PTGFRN: variants seen among roughly 807,000 people sequenced by gnomAD.
PTGFRN encodes prostaglandin F2 receptor negative regulator.
In PTGFRN, 35 loss-of-function variants were observed where a neutral mutation model predicts 83.2. The ratio of observed to expected loss-of-function variants is 0.42; its 90% CI spans 0.32 to 0.56. The LOEUF is 0.56. PTGFRN is among the 20% of genes least tolerant of loss of function. The pLI, the probability that PTGFRN is intolerant of heterozygous loss-of-function variation, is 0.11. For missense variants in PTGFRN, 1,051 were observed against 1,179.5 expected (o/e 0.89, Z 1.60); for synonymous variants, 519 against 498.6 (o/e 1.04, Z -0.55).
chr1:116,942,992 T>G (rs1460624068), intron 2 of PTGFRN, among the ~76,000 whole-genome samples: 1 of 152,224 alleles, frequency 6.6e-6, no homozygotes, highest in African/African-American at 2.4e-5. Flanking sequence ...AATAGAAACA[T>G]TATAATTGTT....
intron 2 of PTGFRN, among the ~76,000 whole-genome samples, chr1:116,943,649 C>A (rs970443634): frequency 1.3e-5 from 2 of 152,152 alleles, no homozygotes; most frequent in African/African-American, 4.8e-5. Flanking sequence ...GATGAGCTGG[C>A]CTTGAGAACT....
chr1:116,914,259 G>A (rs1649344138), intron 1 of PTGFRN, among the ~76,000 whole-genome samples: 1 of 152,164 alleles, frequency 6.6e-6, no homozygotes, highest in Non-Finnish European at 1.5e-5. Flanking sequence ...TAGAATATTT[G>A]GAGTCTTTGT....
chr1:116,916,257 G>A (rs1430345889), intron 1 of PTGFRN, among the ~76,000 whole-genome samples: 1 of 152,306 alleles, frequency 6.6e-6, no homozygotes, highest in East Asian at 1.9e-4. Context: ...TATTTCATAG[G>A]AGTGGAGAAG....
At chr1:116,938,839 TG>T (rs1649984915) in intron 1 of PTGFRN, among the ~76,000 whole-genome samples, 2 of 152,190 alleles carry the variant, frequency 1.3e-5, no homozygotes. Flanking sequence ...AGATACAATG[TG>T]GGTACAGGCA....
At chr1:116,980,741 A>G (rs954252182) in intron 7 of PTGFRN, among the ~76,000 whole-genome samples, 1 of 151,716 alleles carries the variant, frequency 6.6e-6, no homozygotes, top group South Asian at 2.1e-4. Context: ...GCATTAGGAG[A>G]TATACCTAAT....
chr1:116,928,029 T>C (rs945649597), intron 1 of PTGFRN, among the ~76,000 whole-genome samples: 2 of 152,166 alleles, frequency 1.3e-5, no homozygotes, highest in African/African-American at 4.8e-5. Context: ...CATGTAAATG[T>C]CAATTAGAAA....
Position 116,952,360 on chromosome 1 carries a change from C to G in PTGFRN, c.1213+2788C>G, listed in dbSNP as rs1184577268. Among the ~76,000 whole-genome samples, 1 of 151,954 alleles carries G rather than the reference C, an allele frequency of 6.6e-6. No individual in the cohort carries two copies. The highest frequency in any genetic ancestry group is 1.5e-5 in the Non-Finnish European group (1 of 67,982). ...AAGACGGGGCAATGACATGAATGGGCCTGGCAAGTCCAGAGCACTTGCAGC... is the reference window on the plus strand; with the variant it reads ...AAGACGGGGCAATGACATGAATGGGGCTGGCAAGTCCAGAGCACTTGCAGC... On this transcript the variant is annotated intron_variant, in intron 4 of 8. Transcript: ENST00000393203. The surrounding 1 kb of genome is among the most constrained non-coding windows in gnomAD (Gnocchi z 4.0).
chr1:116,989,132 C>A lies in PTGFRN; in HGVS notation c.*2165C>A, dbSNP rs746965743. ...AAGGGTGCTTAGCTTTGGACCTGAC[C>A]GGGTGTGTGTAAAACCATGGACTGA... On this transcript the variant is annotated 3_prime_UTR_variant, in exon 9 of 9. Coordinates refer to ENST00000393203, the MANE Select transcript of PTGFRN (RefSeq NM_020440.4). The A allele has an allele frequency of 6.6e-6, 1 of 152,198 alleles. No homozygotes were observed. The highest frequency in any genetic ancestry group is 2.4e-5 in the African/African-American group (1 of 41,440). 9.4% of individuals were successfully genotyped at this position (152,198 alleles called of 1,614,324 possible). A position where few individuals can be genotyped will look rare whatever the true frequency, so the allele number is the denominator to read the frequency against.
rs1043022383 is a variant in PTGFRN at position 116,910,198 on chromosome 1, GC to G, written c.-5del. The G allele has an allele frequency of 4.0e-6, 6 of 1,484,742 alleles. No individual in the cohort carries two copies. The African/African-American group carries it at 8.7e-5, about 22-fold the overall frequency. 92.0% of individuals were successfully genotyped at this position (1,484,742 alleles called of 1,614,324 possible). A position where few individuals can be genotyped will look rare whatever the true frequency, so the allele number is the denominator to read the frequency against. Reference sequence around the variant, plus strand: ...GGAGGGGGAGAGTCGCTCCCGCCGGGCGAGCATGGGGCGCCTGGCCTCGAGG... The same window carrying G: ...GGAGGGGGAGAGTCGCTCCCGCCGGGGAGCATGGGGCGCCTGGCCTCGAGG... On this transcript the variant is annotated 5_prime_UTR_variant, in exon 1 of 9. Coordinates refer to ENST00000393203, the MANE Select transcript of PTGFRN (RefSeq NM_020440.4).
chr1:116,975,619 G>A (rs186100695), intron 7 of PTGFRN, among the ~76,000 whole-genome samples: 142 of 152,320 alleles, frequency 9.3e-4, no homozygotes, highest in Middle Eastern at 6.8e-3. Context: ...ACAGGGTCTG[G>A]AGTGGACCTC....
In PTGFRN at chr1:116,910,138, AGAGGAGGAGGAGGAGAGGCGGCGGGGAAG is replaced by A. The variant is rs981708516; in HGVS notation, c.-55_-27del. ...CGACTCTGGAGCAGCCGGAGCTGGAAGAGGAGGAGGAGGAGAGGCGGCGGGGAAGGAGGAGGAGGGGGAGAGTCGCTCCC... is the reference window on the plus strand; with the variant it reads ...CGACTCTGGAGCAGCCGGAGCTGGAAGAGGAGGAGGGGGAGAGTCGCTCCC... On this transcript the variant is annotated 5_prime_UTR_variant, in exon 1 of 9. Coordinates refer to ENST00000393203, the MANE Select transcript of PTGFRN (RefSeq NM_020440.4). 1.0e-5 allele frequency: 15 copies of A among 1,471,576 alleles called. No homozygotes were observed. The highest frequency in any genetic ancestry group is 1.4e-5 in the Non-Finnish European group (15 of 1,096,998). 91.2% of individuals were successfully genotyped at this position (1,471,576 alleles called of 1,614,324 possible).
rs1326982508 is a variant in PTGFRN at position 116,961,020 on chromosome 1, G to A, written c.1214-223G>A. Among the ~76,000 whole-genome samples, 1 of 152,098 alleles carries A rather than the reference G, an allele frequency of 6.6e-6. No homozygotes were observed. The highest frequency in any genetic ancestry group is 6.5e-5 in the Admixed American group (1 of 15,280). On this transcript the variant is annotated intron_variant, in intron 4 of 8. Coordinates refer to ENST00000393203, the MANE Select transcript of PTGFRN (RefSeq NM_020440.4). The surrounding 1 kb of genome is among the most constrained non-coding windows in gnomAD (Gnocchi z 5.4). ...GACATTGGGCTTCTGTTCTTGGGAG[G>A]TTTTCTTGGGGTGGGAGGTATGAGA...
intron 1 of PTGFRN, among the ~76,000 whole-genome samples, chr1:116,934,412 G>T (rs1649870170): frequency 6.6e-6 from 1 of 152,210 alleles, no homozygotes; most frequent in Non-Finnish European, 1.5e-5. Flanking sequence ...CTCCCAGTGT[G>T]CTGGGATTAT....
At position 116,961,524 on chromosome 1, in the gene PTGFRN, A is replaced by G. The variant is rs145469544; in HGVS notation, c.1495A>G (p.Asn499Asp). 3.1e-6 allele frequency: 5 copies of G among 1,614,022 alleles called. No individual in the cohort carries two copies. In the African/African-American group the frequency reaches 6.7e-5, roughly 22 times the overall value. The change falls in exon 5 of 9, where the codon AAT becomes GAT. Residue 499 changes from asparagine to aspartate, a missense_variant. Physicochemically the swap from Asn to Asp is conservative, Grantham distance 23 (BLOSUM62 1). Around this residue, in one of 3 missense-constraint regions of PTGFRN, gnomAD observed 719 missense variants for 836.6 expected, o/e 0.86. Transcript: ENST00000393203. This position sits in a 1 kb window ranked among gnomAD's most constrained non-coding sequence, Gnocchi z 5.4. Reference protein sequence around the residue: ...IFSKEHTDTFNFRIQRTTEED... With the variant: ...IFSKEHTDTFDFRIQRTTEED... ...TTCTAAGGAACATACAGACACGTTC[A>G]ATTTCCGGATCCAAAGGACTACAGA...
At chr1:116,976,747 C>T (rs1036649706) in intron 7 of PTGFRN, among the ~76,000 whole-genome samples, 115 of 152,270 alleles carry the variant, frequency 7.6e-4, no homozygotes, top group African/African-American at 2.4e-3. Flanking sequence ...AAGGATCAGC[C>T]GGTACCAGCC....
At chr1:116,942,173 T>C in intron 2 of PTGFRN, 90 bp downstream of exon 2, 2 of 1,455,638 alleles carry the variant, frequency 1.4e-6, no homozygotes, top group Non-Finnish European at 1.9e-6. Flanking sequence ...ACTTAATTTC[T>C]CTGAGGCTCT....
Position 116,985,001 on chromosome 1 carries a change from A to G in PTGFRN, c.2473+16A>G. On this transcript the variant is annotated intron_variant, in intron 8 of 8. Transcript: ENST00000393203. ...AAGATGGATGGTAAGAATGTCACCC[A>G]AATTTCTCAGTGTTTGGGAATGTCT... is the stretch of plus-strand genomic sequence containing the variant. 2 of 1,604,736 alleles carry G rather than the reference A, an allele frequency of 1.2e-6. No individual in the cohort carries two copies. Among genetic ancestry groups the G allele is most frequent in the Non-Finnish European group, 1.7e-6 (2 of 1,175,294 alleles).
At chr1:116,955,907 G>A (rs1239761345) in intron 4 of PTGFRN, among the ~76,000 whole-genome samples, 1 of 152,128 alleles carries the variant, frequency 6.6e-6, no homozygotes, top group African/African-American at 2.4e-5. Context: ...GCAGGTGGTG[G>A]GATTTGTTGA....
chr1:116,984,675 C>G lies in PTGFRN; in HGVS notation c.2168-5C>G, dbSNP rs570954182. 1 of 1,611,692 alleles carries G rather than the reference C, an allele frequency of 6.2e-7. No individual in the cohort carries two copies. Reference sequence around the variant, plus strand: ...ACCCCAGGGTTTTGGCTTGGTAATCCGTAGATGACATGGCCTTTGATGTGT... The same window carrying G: ...ACCCCAGGGTTTTGGCTTGGTAATCGGTAGATGACATGGCCTTTGATGTGT... On this transcript the variant is annotated splice_polypyrimidine_tract_variant and splice_region_variant and intron_variant, in intron 7 of 8. Coordinates refer to ENST00000393203, the MANE Select transcript of PTGFRN (RefSeq NM_020440.4).
Sources: allele counts gnomAD v4.1 joint callset (sites outside exome capture counted in the v4.1 genomes callset), GRCh38; gene constraint gnomAD v4.1.1; regional missense constraint gnomAD v4.1.1; non-coding constraint Gnocchi (gnomAD v3.1); transcripts MANE v1.5; gene names NCBI Gene and HGNC (gene_info 2026-07-23, HGNC 2026-07-21).